PSG2: variants seen among roughly 807,000 people sequenced by gnomAD.
The protein encoded by PSG2 is pregnancy-specific beta-1-glycoprotein 2.
In PSG2, 49 loss-of-function variants were observed where a neutral mutation model predicts 36.2. The ratio of observed to expected loss-of-function variants is 1.35; its 90% CI spans 1.08 to 1.72. The LOEUF is 1.72. Ranked by LOEUF, PSG2 falls within the 40% of genes most tolerant of loss-of-function variation. The pLI is 0.00. For synonymous variants in PSG2, 261 were observed against 155.6 expected, an observed-to-expected ratio of 1.68 and a Z score of -5.04; for missense variants, 605 against 407.2, an observed-to-expected ratio of 1.49 and a Z score of -4.18.
At position 43,075,669 on chromosome 19, in the gene PSG2, C is replaced by A; in HGVS notation, c.431-37G>T. On this transcript the variant is annotated intron_variant, in intron 2 of 5. Transcript: ENST00000406487. ...ACAGAGAGAAGATTGCCCTGTGTGGCACCTTTGATTCCTCCAAAGGCATTT... is the reference window on the plus strand; with the variant it reads ...ACAGAGAGAAGATTGCCCTGTGTGGAACCTTTGATTCCTCCAAAGGCATTT... 4.4e-6 allele frequency: 7 copies of A among 1,588,718 alleles called. 1 individual carries two copies. The highest frequency in any genetic ancestry group is 6.0e-6 in the Non-Finnish European group (7 of 1,167,112).
At position 43,075,801 on chromosome 19, in the gene PSG2, T is replaced by A. The variant is rs111764438; in HGVS notation, c.431-169A>T. ...GATGCATGGCAATCTGAGGGCTCAG[T>A]GATTGTGAGGCTGCCTGCTTTATGT... On this transcript the variant is annotated intron_variant, in intron 2 of 5. Coordinates refer to ENST00000406487, the MANE Select transcript of PSG2 (RefSeq NM_031246.4). Among the ~76,000 whole-genome samples the A allele has an allele frequency of 0.02, 3,074 of 151,324 alleles. 132 individuals are homozygous for A. Among genetic ancestry groups the A allele is most frequent in the East Asian group, 0.096 (493 of 5,150 alleles).
chr19:43,078,306 A>G (rs1967925378), intron 2 of PSG2, among the ~76,000 whole-genome samples: 1 of 151,776 alleles, frequency 6.6e-6, no homozygotes, highest in Non-Finnish European at 1.5e-5. Context: ...AAAGACCATG[A>G]GATTAAGATT....
At chr19:43,079,378 TG>T (rs1967939491) in intron 2 of PSG2, among the ~76,000 whole-genome samples, 1 of 151,278 alleles carries the variant, frequency 6.6e-6, no homozygotes, top group South Asian at 2.1e-4. Flanking sequence ...GGATGAAACA[TG>T]GGTGTCAGCT....
chr19:43,077,163 T>C (rs192919116), intron 2 of PSG2, among the ~76,000 whole-genome samples: 8 of 151,746 alleles, frequency 5.3e-5, no homozygotes, highest in African/African-American at 1.9e-4. Flanking sequence ...CTGGTAGTAG[T>C]ATTTCTCCTG....
At chr19:43,069,650 C>G (rs1475652886) in intron 4 of PSG2, among the ~76,000 whole-genome samples, 1 of 151,596 alleles carries the variant, frequency 6.6e-6, no homozygotes, top group Admixed American at 6.6e-5. Context: ...GCTGGATATT[C>G]AAGGGCAAGA....
chr19:43,075,148 C>T (rs1967874668), intron 3 of PSG2, among the ~76,000 whole-genome samples: 1 of 151,746 alleles, frequency 6.6e-6, no homozygotes, highest in East Asian at 1.9e-4. Context: ...CCCTGAGTCT[C>T]CTATGACAGG....
intron 3 of PSG2, among the ~76,000 whole-genome samples, chr19:43,074,655 G>T (rs1293996764): frequency 1.3e-5 from 2 of 151,698 alleles, no homozygotes; most frequent in Non-Finnish European, 2.9e-5. Context: ...TAGCTAGATA[G>T]ACTTCACTGG....
intron 3 of PSG2, chr19:43,072,346 G>C: frequency 6.2e-7 from 1 of 1,612,214 alleles, no homozygotes; most frequent in South Asian, 1.1e-5. Flanking sequence ...AGGAACAAAA[G>C]ATACAGAGGA....
At chr19:43,068,619 A>G (rs1250169613) in intron 4 of PSG2, among the ~76,000 whole-genome samples, 1 of 151,756 alleles carries the variant, frequency 6.6e-6, no homozygotes, top group Non-Finnish European at 1.5e-5. Context: ...AAAAATATGA[A>G]TAAAACTATA....
chr19:43,082,329 A>G (rs1230599550), intron 1 of PSG2, 177 bp downstream of exon 1: 2 of 958,956 alleles, frequency 2.1e-6, no homozygotes, highest in Non-Finnish European at 1.5e-6. Flanking sequence ...TTTAGTAGAG[A>G]CAGGGCTACA....
chr19:43,072,069 A>C (rs1967826857), intron 3 of PSG2, 115 bp from the exon 4 acceptor site: 7 of 1,455,522 alleles, frequency 4.8e-6, no homozygotes, highest in African/African-American at 1.4e-5. Flanking sequence ...AAGTCCCAGC[A>C]AAACCCCCTC....
In PSG2 at chr19:43,082,122, C is replaced by CTTTTTTTTT. The variant is rs71169213; in HGVS notation, c.64+375_64+383dup. On this transcript the variant is annotated intron_variant, in intron 1 of 5. Coordinates refer to ENST00000406487, the MANE Select transcript of PSG2 (RefSeq NM_031246.4). ...CTTTCCTTTTATTTCTTTCTTCTCT[C>CTTTTTTTTT]TTTTTTTTTTTTTTTTTTTTTTTTT... is the stretch of plus-strand genomic sequence containing the variant. 33 of 67,972 alleles carry CTTTTTTTTT rather than the reference C, an allele frequency of 4.9e-4. 6 individuals are homozygous for CTTTTTTTTT. Among genetic ancestry groups the CTTTTTTTTT allele is most frequent in the Non-Finnish European group, 7.5e-4 (28 of 37,522 alleles). The allele number at this position is 67,972 out of a possible 1,614,324, so 4.2% of individuals were successfully genotyped here.
intron 4 of PSG2, among the ~76,000 whole-genome samples, chr19:43,068,259 A>G (rs2122895542): frequency 6.6e-6 from 1 of 151,344 alleles, no homozygotes; most frequent in South Asian, 2.1e-4. Context: ...ACCTGGGGAG[A>G]CGCTGTGTGT....
chr19:43,066,079 G>C (rs1260294600), intron 5 of PSG2, among the ~76,000 whole-genome samples: 3 of 151,658 alleles, frequency 2.0e-5, no homozygotes, highest in Non-Finnish European at 4.4e-5. Context: ...GACCCCTGCA[G>C]ATTCTTGATT....
At chr19:43,067,589 G>A (rs1253181121) in intron 4 of PSG2, among the ~76,000 whole-genome samples, 3 of 151,390 alleles carry the variant, frequency 2.0e-5, no homozygotes, top group Non-Finnish European at 4.4e-5. Flanking sequence ...TTTTGGCAAT[G>A]AAAAGACAGA....
chr19:43,078,132 C>A (rs1445688589), intron 2 of PSG2, among the ~76,000 whole-genome samples: 1 of 151,776 alleles, frequency 6.6e-6, no homozygotes, highest in African/African-American at 2.4e-5. Flanking sequence ...CTCCATCTGG[C>A]ATCTAGTCTC....
chr19:43,067,606 G>A (rs536477220), intron 4 of PSG2, among the ~76,000 whole-genome samples: 4 of 151,442 alleles, frequency 2.6e-5, no homozygotes. Flanking sequence ...CAGAAGCTTA[G>A]CGTGGTGTAA....
intron 3 of PSG2, among the ~76,000 whole-genome samples, chr19:43,072,974 G>A (rs1166014535): frequency 1.3e-5 from 2 of 151,666 alleles, no homozygotes; most frequent in African/African-American, 2.4e-5. Context: ...TACCTGGAAT[G>A]TGCAACTGCT....
chr19:43,075,097 G>A (rs1967874045), intron 3 of PSG2, among the ~76,000 whole-genome samples: 1 of 151,802 alleles, frequency 6.6e-6, no homozygotes, highest in African/African-American at 2.4e-5. Context: ...CTGATCTGGA[G>A]CCTGAGACAT....
Sources: gnomAD v4.1 joint callset for allele counts (sites outside exome capture counted in the v4.1 genomes callset) on GRCh38, gnomAD v4.1.1 for gene constraint, MANE v1.5 for transcripts, NCBI Gene and HGNC (gene_info 2026-07-23, HGNC 2026-07-21) for gene names.